The following SP100 variants were observed in gnomAD, a reference collection of about 807,000 sequenced individuals.
SP100 encodes the protein SP100 nuclear body protein, also known as nuclear autoantigen Sp-100.
In SP100, 84 loss-of-function variants were observed where a neutral mutation model predicts 130.0. That is an observed-to-expected ratio of 0.65 (90% CI 0.54 to 0.77). SP100 has a LOEUF of 0.77. Among genes scored for constraint, SP100 ranks in the 30% least tolerant of loss-of-function variants. The probability of loss-of-function intolerance (pLI) is 0.00; values close to 1 mark genes in which losing one functional copy is unlikely to be tolerated. For synonymous variants in SP100, 331 were observed against 351.7 expected, an observed-to-expected ratio of 0.94 and a Z score of 0.66; for missense variants, 978 against 1,052.2, an observed-to-expected ratio of 0.93 and a Z score of 0.97.
intron 24 of SP100, among the ~76,000 whole-genome samples, chr2:230,521,748 TC>T (rs1691181046): frequency 6.6e-6 from 1 of 152,158 alleles, no homozygotes; most frequent in Non-Finnish European, 1.5e-5. Flanking sequence ...TCAGAAGCCC[TC>T]CTAAGCAGCT....
chr2:230,510,979 T>C, intron 23 of SP100, 146 bp from the exon 24 acceptor site: 2 of 680,714 alleles, frequency 2.9e-6, no homozygotes, highest in Non-Finnish European at 5.3e-6. Flanking sequence ...TATTCTTCAG[T>C]TAGATGTACA....
chr2:230,500,343 C>T (rs1314712456), intron 19 of SP100, among the ~76,000 whole-genome samples: 2 of 152,164 alleles, frequency 1.3e-5, no homozygotes, highest in African/African-American at 4.8e-5. Flanking sequence ...TTCTGCGGCA[C>T]TTTATTATAC....
chr2:230,449,228 G>A (rs2063848114), intron 6 of SP100, 78 bp downstream of exon 6: 2 of 1,399,918 alleles, frequency 1.4e-6, no homozygotes, highest in Non-Finnish European at 2.0e-6. Flanking sequence ...TTGCCTCTTT[G>A]TGTTAATGAT....
At chr2:230,436,866 G>GTGTATACACACATA (rs1575602615) in intron 2 of SP100, among the ~76,000 whole-genome samples, 15 of 119,306 alleles carry the variant, frequency 1.3e-4, no homozygotes, top group African/African-American at 4.9e-4. Flanking sequence ...GAACACATAT[G>GTGTATACACACATA]TATATGTGTA....
chr2:230,526,069 C>T (rs982463095), intron 24 of SP100, among the ~76,000 whole-genome samples: 1 of 152,188 alleles, frequency 6.6e-6, no homozygotes, highest in African/African-American at 2.4e-5. Context: ...CTCAGCAAGG[C>T]ATTTGAAGCC....
chr2:230,500,828 T>C (rs1021763487), intron 19 of SP100, among the ~76,000 whole-genome samples: 1 of 152,196 alleles, frequency 6.6e-6, no homozygotes, highest in African/African-American at 2.4e-5. Context: ...GGCCCAATCA[T>C]GGTCTTTGAA....
chr2:230,496,014 C>T (rs1017683055), intron 18 of SP100, among the ~76,000 whole-genome samples: 2 of 151,978 alleles, frequency 1.3e-5, no homozygotes, highest in East Asian at 1.9e-4. Flanking sequence ...TAAGTATATA[C>T]ATATAATATT....
chr2:230,540,089 A>G (rs1024299221), intron 25 of SP100, among the ~76,000 whole-genome samples: 15 of 152,162 alleles, frequency 9.9e-5, no homozygotes, highest in Non-Finnish European at 1.9e-4. Context: ...GCTTTTGACC[A>G]GTTGGCCAAT....
At chr2:230,434,344 A>G (rs991908007) in intron 2 of SP100, among the ~76,000 whole-genome samples, 3 of 152,168 alleles carry the variant, frequency 2.0e-5, no homozygotes, top group Non-Finnish European at 1.5e-5. Context: ...AGTATGTGTT[A>G]TTGTTGAGGG....
intron 8 of SP100, among the ~76,000 whole-genome samples, chr2:230,459,773 C>G (rs2064484679): frequency 6.6e-6 from 1 of 152,196 alleles, no homozygotes. Context: ...GAGGAACAGT[C>G]TCCTGTCTGG....
chr2:230,463,520 C>T (rs2149971442), intron 10 of SP100: 1 of 152,354 alleles, frequency 6.6e-6, no homozygotes, highest in East Asian at 1.9e-4. Context: ...ATAATACATT[C>T]ATTCTAATTG....
At chr2:230,420,855 A>C (rs10202501) in intron 2 of SP100, among the ~76,000 whole-genome samples, 36,506 of 151,934 alleles carry the variant, frequency 0.24, 4,675 homozygotes, top group Non-Finnish European at 0.29. Flanking sequence ...TTTGGCTCTT[A>C]CTTTTGTATT....
At chr2:230,495,540 G>C (rs2066622920) in intron 18 of SP100, among the ~76,000 whole-genome samples, 1 of 152,100 alleles carries the variant, frequency 6.6e-6, no homozygotes, top group Non-Finnish European at 1.5e-5. Flanking sequence ...GGCTGGTCTT[G>C]AACTCCTGAT....
At chr2:230,424,668 C>CAA (rs770362175) in intron 2 of SP100, among the ~76,000 whole-genome samples, 21,529 of 111,296 alleles carry the variant, frequency 0.19, 1,934 homozygotes, top group African/African-American at 0.2. Context: ...GACTCCATCT[C>CAA]AAAAAAAAAA....
In SP100 at chr2:230,449,074, T is replaced by C. The variant is rs199719267; in HGVS notation, c.524-14T>C. The C allele has an allele frequency of 2.7e-6, 4 of 1,501,686 alleles. No individual in the cohort carries two copies. In the East Asian group the frequency reaches 6.8e-5, roughly 25 times the overall value. 93.0% of individuals were successfully genotyped at this position (1,501,686 alleles called of 1,614,324 possible). A position where few individuals can be genotyped will look rare whatever the true frequency, so the allele number is the denominator to read the frequency against. On this transcript the variant is annotated splice_polypyrimidine_tract_variant and intron_variant, in intron 5 of 28. Coordinates refer to ENST00000340126, the MANE Select transcript of SP100 (RefSeq NM_001080391.2). ...CTCGATTTCTGAAATAAACTTCTAA[T>C]TTCTTCCTGCCAGGAACTGGTGAAA... is the stretch of plus-strand genomic sequence containing the variant.
At chr2:230,425,711 T>C (rs1295650368) in intron 2 of SP100, among the ~76,000 whole-genome samples, 1 of 152,156 alleles carries the variant, frequency 6.6e-6, no homozygotes, top group Non-Finnish European at 1.5e-5. Context: ...AGAAATGGCC[T>C]GTAATTTTTT....
chr2:230,434,634 G>A (rs1487851784), intron 2 of SP100, among the ~76,000 whole-genome samples: 1 of 152,170 alleles, frequency 6.6e-6, no homozygotes, highest in African/African-American at 2.4e-5. Flanking sequence ...GAGCTTGGGA[G>A]TGTGGGGGCA....
chr2:230,492,057 G>A (rs894886416), intron 17 of SP100, among the ~76,000 whole-genome samples: 9 of 152,064 alleles, frequency 5.9e-5, no homozygotes, highest in Admixed American at 1.3e-4. Context: ...ATTTTAGACA[G>A]TATCCTTTAG....
intron 24 of SP100, among the ~76,000 whole-genome samples, chr2:230,527,676 C>T (rs1691494296): frequency 1.3e-5 from 2 of 152,048 alleles, no homozygotes; most frequent in Non-Finnish European, 2.9e-5. Flanking sequence ...ATTCAGGAGA[C>T]CCAACTCACA....
Sources: gnomAD v4.1 joint callset for allele counts (sites outside exome capture counted in the v4.1 genomes callset) on GRCh38, gnomAD v4.1.1 for gene constraint, MANE v1.5 for transcripts, NCBI Gene and HGNC (gene_info 2026-07-23, HGNC 2026-07-21) for gene names.